Variants in DLG2 observed in about 807,000 individuals in gnomAD.
DLG2 encodes discs large MAGUK scaffold protein 2, also known as disks large homolog 2.
In DLG2, 45 loss-of-function variants were observed where a neutral mutation model predicts 132.5. The observed-to-expected ratio is 0.34, with a 90% confidence interval of 0.27 to 0.44. The LOEUF (loss-of-function observed/expected upper bound fraction) is 0.44, where lower values mean the gene tolerates loss of function less well. Ranked by LOEUF, DLG2 falls within the 20% of genes least tolerant of loss-of-function variation. DLG2 has a pLI of 1.00. For synonymous variants in DLG2, 424 were observed against 419.6 expected, an observed-to-expected ratio of 1.01 and a Z score of -0.13; for missense variants, 1,045 against 1,196.9, an observed-to-expected ratio of 0.87 and a Z score of 1.87.
intron 7 of DLG2, among the ~76,000 whole-genome samples, chr11:84,258,756 T>G (rs937100221): frequency 6.6e-6 from 1 of 152,146 alleles, no homozygotes; most frequent in Non-Finnish European, 1.5e-5. Context: ...TTGCCTGAGT[T>G]TTTCTAGGCG....
At position 83,601,705 on chromosome 11, in the gene DLG2, T is replaced by C. The variant is rs2058598022; in HGVS notation, c.1940+31506A>G. On this transcript the variant is annotated intron_variant, in intron 19 of 27. Coordinates refer to ENST00000376104, the MANE Select transcript of DLG2 (RefSeq NM_001142699.3). The stretch of plus-strand genomic sequence containing the variant: ...TTTTGTATATATTTCTTTCTTTTTT[T>C]TTTTGGTAGAGATAGGGTTTCAGCC... Among the ~76,000 whole-genome samples the C allele has an allele frequency of 2.0e-5, 3 of 151,852 alleles. No homozygotes were observed. The Middle Eastern group carries it at 0.01, about 517-fold the overall frequency.
intron 6 of DLG2, among the ~76,000 whole-genome samples, chr11:84,601,529 T>C (rs1227087681): frequency 6.6e-6 from 1 of 151,954 alleles, no homozygotes; most frequent in East Asian, 1.9e-4. Context: ...GCATGACTTA[T>C]GACAGTGAGA....
chr11:84,814,765 C>T (rs1199738201), intron 6 of DLG2, among the ~76,000 whole-genome samples: 1 of 152,092 alleles, frequency 6.6e-6, no homozygotes, highest in Non-Finnish European at 1.5e-5. Context: ...TTAAATATGC[C>T]TTCTCTGTGC....
chr11:85,500,224 A>G (rs1057187955), intron 3 of DLG2, among the ~76,000 whole-genome samples: 4 of 152,128 alleles, frequency 2.6e-5, no homozygotes, highest in Non-Finnish European at 5.9e-5. Context: ...AATCTCCCTA[A>G]GTTAATAAGC....
chr11:85,143,048 G>A (rs141871330), intron 5 of DLG2, among the ~76,000 whole-genome samples: 38 of 151,682 alleles, frequency 2.5e-4, no homozygotes, highest in Middle Eastern at 6.8e-3. Flanking sequence ...TTTTGGCATC[G>A]TGGTAATACT....
chr11:84,255,250 T>G (rs145504226), intron 7 of DLG2, among the ~76,000 whole-genome samples: 1 of 152,336 alleles, frequency 6.6e-6, no homozygotes, highest in Non-Finnish European at 1.5e-5. Context: ...AAAAACCAAC[T>G]ATCCACTTGC....
chr11:84,220,327 G>A (rs565323786), intron 8 of DLG2, among the ~76,000 whole-genome samples: 1 of 152,176 alleles, frequency 6.6e-6, no homozygotes, highest in East Asian at 1.9e-4. Flanking sequence ...CACATAGTAA[G>A]TGCTTAGTAA....
intron 18 of DLG2, among the ~76,000 whole-genome samples, chr11:83,669,963 A>T (rs998978939): frequency 2.0e-5 from 3 of 152,264 alleles, no homozygotes; most frequent in South Asian, 2.1e-4. Flanking sequence ...TGGTGAAAAG[A>T]TGATTATCTG....
intron 6 of DLG2, among the ~76,000 whole-genome samples, chr11:84,561,739 A>G (rs1448725103): frequency 6.6e-6 from 1 of 152,178 alleles, no homozygotes; most frequent in African/African-American, 2.4e-5. Context: ...ATTTCATTTG[A>G]AATGCTAAGA....
intron 3 of DLG2, among the ~76,000 whole-genome samples, chr11:85,341,947 T>TA (rs1221921155): frequency 6.6e-6 from 1 of 152,136 alleles, no homozygotes; most frequent in Non-Finnish European, 1.5e-5. Context: ...AAACATATGG[T>TA]AAAAAATATA....
At chr11:85,420,353 G>A (rs1236385822) in intron 3 of DLG2, among the ~76,000 whole-genome samples, 9 of 152,106 alleles carry the variant, frequency 5.9e-5, no homozygotes, top group Admixed American at 1.3e-4. Flanking sequence ...GAGTTCTCCT[G>A]TATGACATGT....
intron 6 of DLG2, among the ~76,000 whole-genome samples, chr11:84,589,872 C>T (rs1451234876): frequency 2.0e-5 from 3 of 152,190 alleles, no homozygotes; most frequent in African/African-American, 7.2e-5. Flanking sequence ...TATTTTAAAA[C>T]TCATTTCTTA....
chr11:85,229,821 G>A (rs1284007115), intron 4 of DLG2, among the ~76,000 whole-genome samples: 3 of 152,058 alleles, frequency 2.0e-5, no homozygotes. Flanking sequence ...TAAAAAGAAT[G>A]AGTTTATGTC....
chr11:84,038,535 G>A (rs557513663), intron 11 of DLG2, among the ~76,000 whole-genome samples: 1 of 151,946 alleles, frequency 6.6e-6, no homozygotes, highest in Non-Finnish European at 1.5e-5. Flanking sequence ...TGTAATATAT[G>A]TACATGGTAG....
intron 7 of DLG2, among the ~76,000 whole-genome samples, chr11:84,387,610 A>G (rs2154437858): frequency 6.6e-6 from 1 of 152,122 alleles, no homozygotes; most frequent in Middle Eastern, 3.4e-3. Context: ...GAGAGACAAT[A>G]CTCCTGTTCC....
chr11:83,465,952 G>T (rs923604433), intron 26 of DLG2, among the ~76,000 whole-genome samples: 1 of 152,142 alleles, frequency 6.6e-6, no homozygotes, highest in African/African-American at 2.4e-5. Context: ...GTGAATGGGA[G>T]TTGCCTATAC....
intron 7 of DLG2, among the ~76,000 whole-genome samples, chr11:84,451,899 C>T (rs1048600865): frequency 6.6e-6 from 1 of 151,316 alleles, no homozygotes; most frequent in African/African-American, 2.4e-5. Context: ...TGACAGCAAG[C>T]CAGGAAGATA....
At chr11:83,585,286 A>T (rs2153255225) in intron 19 of DLG2, among the ~76,000 whole-genome samples, 1 of 152,322 alleles carries the variant, frequency 6.6e-6, no homozygotes, top group South Asian at 2.1e-4. Flanking sequence ...GGATGGAGAC[A>T]TTGATCTGGG....
At chr11:85,314,982 T>C (rs1351551373) in intron 3 of DLG2, among the ~76,000 whole-genome samples, 1 of 151,914 alleles carries the variant, frequency 6.6e-6, no homozygotes, top group Non-Finnish European at 1.5e-5. Context: ...CATCTAAGCC[T>C]GGAAAGTGAG....
Sources: allele counts gnomAD v4.1 joint callset (sites outside exome capture counted in the v4.1 genomes callset), GRCh38; gene constraint gnomAD v4.1.1; transcripts MANE v1.5; gene names NCBI Gene and HGNC (gene_info 2026-07-23, HGNC 2026-07-21).